NRXN1: variants seen among roughly 807,000 people sequenced by gnomAD.
NRXN1 encodes neurexin 1.
In NRXN1, 39 loss-of-function variants were observed where a neutral mutation model predicts 150.9. That is an observed-to-expected ratio of 0.26 (90% CI 0.20 to 0.34). The LOEUF (loss-of-function observed/expected upper bound fraction) is 0.34. Among genes scored for constraint, NRXN1 ranks in the 10% least tolerant of loss-of-function variants. The probability of loss-of-function intolerance (pLI) is 1.00; values close to 1 mark genes in which losing one functional copy is unlikely to be tolerated. For synonymous variants in NRXN1, 924 were observed against 757.0 expected (o/e 1.22, Z -3.62); for missense variants, 1,815 against 1,949.9 (o/e 0.93, Z 1.30).
chr2:50,074,765 C>T (rs1325713999), intron 19 of NRXN1, among the ~76,000 whole-genome samples: 2 of 152,176 alleles, frequency 1.3e-5, no homozygotes, highest in African/African-American at 2.4e-5. Flanking sequence ...TAAAACTACT[C>T]TTGTTCATGC....
intron 5 of NRXN1, among the ~76,000 whole-genome samples, chr2:50,834,880 A>G (rs1671897527): frequency 6.6e-6 from 1 of 152,112 alleles, no homozygotes; most frequent in Non-Finnish European, 1.5e-5. Flanking sequence ...GACCAGAGAG[A>G]CAGTCCCTCA....
intron 1 of NRXN1, among the ~76,000 whole-genome samples, chr2:51,030,030 C>T (rs1456867130): frequency 3.3e-5 from 5 of 152,124 alleles, no homozygotes; most frequent in African/African-American, 1.2e-4. Flanking sequence ...TTGAATCACT[C>T]ACTATACTAT....
chr2:49,971,419 T>C (rs570871272), intron 21 of NRXN1, among the ~76,000 whole-genome samples: 15 of 152,290 alleles, frequency 9.8e-5, no homozygotes, highest in African/African-American at 3.6e-4. Context: ...GTGAGAAGTT[T>C]GCTTGGCAGT....
chr2:50,542,873 G>C (rs1015272522), intron 9 of NRXN1, among the ~76,000 whole-genome samples: 2 of 152,044 alleles, frequency 1.3e-5, no homozygotes, highest in African/African-American at 4.8e-5. Context: ...ATCCGAATTA[G>C]TTTAAACCAA....
At chr2:50,313,007 T>C (rs2075302180) in intron 17 of NRXN1, among the ~76,000 whole-genome samples, 1 of 151,980 alleles carries the variant, frequency 6.6e-6, no homozygotes, top group African/African-American at 2.4e-5. Context: ...TAATAATATA[T>C]ATCAAGAAAT....
chr2:50,139,311 C>A, intron 18 of NRXN1, among the ~76,000 whole-genome samples: 1 of 125,760 alleles, frequency 8.0e-6, no homozygotes, highest in African/African-American at 3.2e-5. Flanking sequence ...GGCAACAGAG[C>A]GAGACTTGGT....
chr2:50,349,218 C>T (rs1053651271), intron 17 of NRXN1, among the ~76,000 whole-genome samples: 1 of 152,158 alleles, frequency 6.6e-6, no homozygotes, highest in Non-Finnish European at 1.5e-5. Flanking sequence ...CCTTGCTAAA[C>T]ATGATGCTTT....
At chr2:50,738,123 G>T (rs1195972742) in intron 5 of NRXN1, among the ~76,000 whole-genome samples, 1 of 152,210 alleles carries the variant, frequency 6.6e-6, no homozygotes, top group African/African-American at 2.4e-5. Context: ...CTGTGTTTCA[G>T]ATCATGTTAA....
intron 11 of NRXN1, 68 bp from the exon 12 acceptor site, chr2:50,528,719 A>G (rs769274478): frequency 1.0e-6 from 1 of 954,874 alleles, no homozygotes; most frequent in Non-Finnish European, 1.6e-6. Context: ...GACATCCAAT[A>G]AAATTACAGT....
chr2:50,701,350 T>A (rs1039954434), intron 5 of NRXN1, among the ~76,000 whole-genome samples: 15 of 152,134 alleles, frequency 9.9e-5, no homozygotes, highest in African/African-American at 3.6e-4. Flanking sequence ...ATACAAACAG[T>A]ATTATTATTA....
chr2:50,642,658 G>A (rs1684241669), intron 5 of NRXN1, among the ~76,000 whole-genome samples: 1 of 151,984 alleles, frequency 6.6e-6, no homozygotes, highest in Admixed American at 6.6e-5. Flanking sequence ...ACAATTGCAT[G>A]TCATCTTTTT....
chr2:50,168,684 C>T (rs981379968), intron 18 of NRXN1, among the ~76,000 whole-genome samples: 1 of 152,078 alleles, frequency 6.6e-6, no homozygotes, highest in African/African-American at 2.4e-5. Context: ...AATTTCATGG[C>T]CAGAGGCCAA....
Position 50,091,352 on chromosome 2 carries a change from C to T in NRXN1, c.3689G>A (p.Ser1230Asn). 2.5e-6 allele frequency: 4 copies of T among 1,614,210 alleles called. No homozygotes were observed. The highest frequency in any genetic ancestry group is 3.4e-6 in the Non-Finnish European group (4 of 1,180,038). Reference sequence around the variant, plus strand: ...AGGGTAGCGCTCGATCACTGGCCAGCTGTCCACCTGCAACGTGGCATTGCC... The same window carrying T: ...AGGGTAGCGCTCGATCACTGGCCAGTTGTCCACCTGCAACGTGGCATTGCC... ...SGGNATLQVD[S>N]WPVIERYPAG... Residue 1230 changes from serine to asparagine, a missense_variant, in exon 19 of 23, where the codon AGC (serine) becomes AAC (asparagine). Ser to Asn is a conservative substitution (Grantham distance 46, BLOSUM62 1). Coordinates refer to ENST00000401669, the MANE Select transcript of NRXN1 (RefSeq NM_001330078.2).
At chr2:50,789,522 A>G (rs912510066) in intron 5 of NRXN1, among the ~76,000 whole-genome samples, 1 of 152,204 alleles carries the variant, frequency 6.6e-6, no homozygotes, top group African/African-American at 2.4e-5. Flanking sequence ...CCAAAGTTGA[A>G]ATAAAACTGA....
chr2:50,381,933 G>T (rs1174858723), intron 17 of NRXN1, among the ~76,000 whole-genome samples: 2 of 152,092 alleles, frequency 1.3e-5, no homozygotes, highest in Non-Finnish European at 2.9e-5. Context: ...GGTCTTTAGT[G>T]TAGAATCCTA....
intron 22 of NRXN1, among the ~76,000 whole-genome samples, chr2:49,933,772 C>T (rs912694382): frequency 5.9e-5 from 9 of 152,178 alleles, no homozygotes; most frequent in African/African-American, 2.2e-4. Flanking sequence ...TCTACATCTT[C>T]CACACAGAAG....
intron 19 of NRXN1, among the ~76,000 whole-genome samples, chr2:50,061,178 T>C (rs1694476602): frequency 1.3e-5 from 2 of 152,214 alleles, no homozygotes; most frequent in African/African-American, 4.8e-5. Context: ...TATTTACTTG[T>C]AAAATATCAT....
rs1307799885 is a variant in NRXN1 at position 50,497,415 on chromosome 2, A to G, written c.2797T>C (p.Phe933Leu). Residue 933 changes from phenylalanine to leucine, a missense_variant, in exon 14 of 23, where the codon TTC becomes CTC. By Grantham distance (22) the Phe-to-Leu change is conservative. This residue lies in a region of NRXN1 where 339 missense variants were observed against 440.3 expected (regional missense o/e 0.77). Transcript: ENST00000401669. ...AATCCATCTAGGGATGTTGTCTTGA[A>G]CTGGAAAAAAAGATGCATAGAAGTG... ...AYTSMHLFFQ[F>L]KTTSLDGLIL... 6.2e-7 allele frequency: 1 copy of G among 1,609,112 alleles called. No homozygotes were observed. The highest frequency in any genetic ancestry group is 8.5e-7 in the Non-Finnish European group (1 of 1,177,198).
intron 5 of NRXN1, among the ~76,000 whole-genome samples, chr2:50,825,554 G>A (rs981241868): frequency 6.6e-6 from 1 of 152,196 alleles, no homozygotes; most frequent in African/African-American, 2.4e-5. Context: ...TGAACATGTG[G>A]AGGATCCCAG....
Sources: allele counts gnomAD v4.1 joint callset (sites outside exome capture counted in the v4.1 genomes callset), GRCh38; gene constraint gnomAD v4.1.1; regional missense constraint gnomAD v4.1.1; transcripts MANE v1.5; gene names NCBI Gene and HGNC (gene_info 2026-07-23, HGNC 2026-07-21).